Variants in IMMP2L observed in about 807,000 individuals in gnomAD.
IMMP2L encodes mitochondrial inner membrane protease subunit 2.
IMMP2L carries 18 observed loss-of-function variants against 19.3 expected under a neutral mutation model. The ratio of observed to expected loss-of-function variants is 0.93; its 90% CI spans 0.64 to 1.38. The LOEUF is 1.38. Among genes scored for constraint, IMMP2L ranks in the 40% most tolerant of loss-of-function variants. The pLI is 0.00. For synonymous variants in IMMP2L, 76 were observed against 73.0 expected, an observed-to-expected ratio of 1.04 and a Z score of -0.21; for missense variants, 233 against 218.2, an observed-to-expected ratio of 1.07 and a Z score of -0.43.
intron 5 of IMMP2L, among the ~76,000 whole-genome samples, chr7:110,799,283 G>A (rs753940667): frequency 2.4e-4 from 36 of 151,736 alleles, no homozygotes; most frequent in Non-Finnish European, 1.5e-4. Flanking sequence ...AATTAAATTT[G>A]AGGGTGCTAA....
chr7:111,384,309 G>GAAA (rs1831519288), intron 3 of IMMP2L, among the ~76,000 whole-genome samples: 1 of 149,044 alleles, frequency 6.7e-6, no homozygotes, highest in African/African-American at 2.5e-5. Context: ...AGGAGGAGGA[G>GAAA]GGAAAAGGAG....
At chr7:110,816,623 G>C (rs1489026063) in intron 5 of IMMP2L, among the ~76,000 whole-genome samples, 1 of 151,292 alleles carries the variant, frequency 6.6e-6, no homozygotes, top group Non-Finnish European at 1.5e-5. Context: ...AGGTCTCTAA[G>C]GACTTGCTTT....
intron 3 of IMMP2L, among the ~76,000 whole-genome samples, chr7:111,131,960 A>C (rs2129594165): frequency 6.6e-6 from 1 of 152,040 alleles, no homozygotes; most frequent in Admixed American, 6.6e-5. Flanking sequence ...AACAATAACT[A>C]ATAGGTGATT....
At chr7:111,281,132 G>GAAAGAC (rs1819676532) in intron 3 of IMMP2L, among the ~76,000 whole-genome samples, 1 of 90,736 alleles carries the variant, frequency 1.1e-5, no homozygotes, top group Non-Finnish European at 2.0e-5. Flanking sequence ...GAGAGAAAGA[G>GAAAGAC]AGAAAGACAG....
At position 111,560,183 on chromosome 7, in the gene IMMP2L, T is replaced by C. The variant is rs1252195369; in HGVS notation, c.-3+1668A>G. ...AAGTGGTCATCTGAAAGTGGACTCA[T>C]AGGAAACTCACTTATTGCCTTTTAT... On this transcript the variant is annotated intron_variant, in intron 1 of 5. Coordinates refer to ENST00000405709, the MANE Select transcript of IMMP2L (RefSeq NM_032549.4). Among the ~76,000 whole-genome samples, 6 of 152,264 alleles carry C rather than the reference T, an allele frequency of 3.9e-5. No homozygotes were observed. The East Asian group carries it at 5.8e-4, about 15-fold the overall frequency.
intron 3 of IMMP2L, among the ~76,000 whole-genome samples, chr7:111,299,206 GAGAA>G (rs1821951426): frequency 6.6e-6 from 1 of 152,124 alleles, no homozygotes; most frequent in Admixed American, 6.6e-5. Context: ...AAATACATTT[GAGAA>G]AGAGTTTCCA....
chr7:111,558,842 A>G (rs1393246905), intron 1 of IMMP2L, among the ~76,000 whole-genome samples: 1 of 152,168 alleles, frequency 6.6e-6, no homozygotes, highest in African/African-American at 2.4e-5. Flanking sequence ...CTATAAGTAC[A>G]TTGTTAACTT....
chr7:110,973,087 G>A (rs1344914354), intron 3 of IMMP2L, among the ~76,000 whole-genome samples: 1 of 151,688 alleles, frequency 6.6e-6, no homozygotes, highest in African/African-American at 2.4e-5. Context: ...CTGGTCAAAG[G>A]GTAGATCTAT....
At chr7:110,849,506 A>G (rs1027766126) in intron 5 of IMMP2L, among the ~76,000 whole-genome samples, 1 of 152,180 alleles carries the variant, frequency 6.6e-6, no homozygotes, top group Admixed American at 6.6e-5. Flanking sequence ...AAAGTTCATG[A>G]GAGAAAAATT....
chr7:110,706,845 T>C (rs963801583), intron 5 of IMMP2L, among the ~76,000 whole-genome samples: 13 of 152,026 alleles, frequency 8.6e-5, no homozygotes, highest in Admixed American at 8.5e-4. Context: ...TGCTCCTTAG[T>C]TTAATTAGGT....
chr7:111,478,195 A>G (rs774065885), intron 3 of IMMP2L, among the ~76,000 whole-genome samples: 6 of 152,038 alleles, frequency 3.9e-5, no homozygotes, highest in Non-Finnish European at 7.4e-5. Flanking sequence ...GCACTATTCT[A>G]TATATTTTCT....
At chr7:111,127,665 C>G (rs1459947704) in intron 3 of IMMP2L, among the ~76,000 whole-genome samples, 33 of 152,010 alleles carry the variant, frequency 2.2e-4, no homozygotes, top group Admixed American at 2.2e-3. Flanking sequence ...TCAAAGTACT[C>G]AAACCATTTA....
At chr7:110,901,976 A>C (rs1811917075) in intron 4 of IMMP2L, among the ~76,000 whole-genome samples, 1 of 152,174 alleles carries the variant, frequency 6.6e-6, no homozygotes, top group African/African-American at 2.4e-5. Flanking sequence ...CATCAAAGCT[A>C]TAAGACTATA....
At chr7:110,674,063 C>T (rs1300499087) in intron 5 of IMMP2L, among the ~76,000 whole-genome samples, 2 of 152,194 alleles carry the variant, frequency 1.3e-5, no homozygotes, top group East Asian at 3.8e-4. Flanking sequence ...CTACTTGAGA[C>T]TGTATTTACA....
chr7:111,355,396 A>G (rs1828595596), intron 3 of IMMP2L, among the ~76,000 whole-genome samples: 1 of 151,846 alleles, frequency 6.6e-6, no homozygotes, highest in South Asian at 2.1e-4. Flanking sequence ...TACTGTATAA[A>G]TAAAAAGTGT....
chr7:111,260,006 A>G (rs752511222), intron 3 of IMMP2L, among the ~76,000 whole-genome samples: 35 of 152,226 alleles, frequency 2.3e-4, no homozygotes, highest in Non-Finnish European at 4.3e-4. Context: ...ATCTCCTATC[A>G]TAACAAAGCC....
intron 3 of IMMP2L, among the ~76,000 whole-genome samples, chr7:111,379,129 C>T (rs745739053): frequency 2.0e-5 from 3 of 147,526 alleles, no homozygotes; most frequent in Admixed American, 6.9e-5. Flanking sequence ...GAACACAATA[C>T]GTGACATTTG....
chr7:110,740,440 G>A (rs1239815371), intron 5 of IMMP2L, among the ~76,000 whole-genome samples: 2 of 152,008 alleles, frequency 1.3e-5, no homozygotes, highest in Admixed American at 6.6e-5. Flanking sequence ...CTGTGAACAC[G>A]TTTATGTGCA....
chr7:111,140,308 T>C (rs990567806), intron 3 of IMMP2L, among the ~76,000 whole-genome samples: 12 of 152,032 alleles, frequency 7.9e-5, no homozygotes, highest in African/African-American at 2.7e-4. Flanking sequence ...AAAACAACAA[T>C]AACAACAAAA....
Sources: allele counts gnomAD v4.1 joint callset (sites outside exome capture counted in the v4.1 genomes callset), GRCh38; gene constraint gnomAD v4.1.1; transcripts MANE v1.5; gene names NCBI Gene and HGNC (gene_info 2026-07-23, HGNC 2026-07-21).